The following PARVA variants were observed in gnomAD, a reference collection of about 807,000 sequenced individuals.
PARVA encodes parvin alpha.
Under a neutral mutation model 52.6 loss-of-function variants are expected in PARVA, and 25 were observed. The ratio of observed to expected loss-of-function variants is 0.48; its 90% CI spans 0.35 to 0.66. The LOEUF is 0.66. Among genes scored for constraint, PARVA ranks in the 30% least tolerant of loss-of-function variants. The probability of loss-of-function intolerance (pLI) is 0.01; values close to 1 mark genes in which losing one functional copy is unlikely to be tolerated. For missense variants in PARVA, 373 were observed against 450.9 expected (o/e 0.83, Z 1.56); for synonymous variants, 185 against 179.1 (o/e 1.03, Z -0.26).
chr11:12,409,032 G>A (rs1939954690), intron 1 of PARVA, among the ~76,000 whole-genome samples: 1 of 152,218 alleles, frequency 6.6e-6, no homozygotes. Flanking sequence ...GAGGGGGATG[G>A]TGCTAGATGT....
intron 1 of PARVA, among the ~76,000 whole-genome samples, chr11:12,400,974 T>C (rs1211900622): frequency 5.3e-5 from 8 of 152,158 alleles, no homozygotes; most frequent in African/African-American, 1.9e-4. Context: ...GTATTTCCCT[T>C]GAAGACTTTT....
chr11:12,497,880 A>G (rs1199373900), intron 5 of PARVA, among the ~76,000 whole-genome samples: 9 of 152,176 alleles, frequency 5.9e-5, no homozygotes, highest in African/African-American at 1.7e-4. Flanking sequence ...CCTCTAATGA[A>G]GACTGCTGTT....
chr11:12,478,073 T>C (rs752934355), intron 4 of PARVA, 124 bp downstream of exon 4: 2 of 751,614 alleles, frequency 2.7e-6, no homozygotes. Flanking sequence ...TACAAATGTG[T>C]GGAGCATGGA....
intron 1 of PARVA, among the ~76,000 whole-genome samples, chr11:12,458,318 G>A (rs1398373149): frequency 1.3e-5 from 2 of 152,230 alleles, no homozygotes; most frequent in Non-Finnish European, 2.9e-5. Flanking sequence ...ACCCTACTGA[G>A]AGTGAGCTGC....
intron 7 of PARVA, among the ~76,000 whole-genome samples, chr11:12,511,175 C>T (rs1941497779): frequency 6.6e-6 from 1 of 152,098 alleles, no homozygotes; most frequent in Admixed American, 6.5e-5. Flanking sequence ...ATCTTCAGCC[C>T]CTGAGTCCAA....
At chr11:12,460,284 A>T (rs1589965792) in intron 1 of PARVA, among the ~76,000 whole-genome samples, 1 of 152,164 alleles carries the variant, frequency 6.6e-6, no homozygotes, top group Non-Finnish European at 1.5e-5. Flanking sequence ...CTGGCTCAGG[A>T]TCAAACCTTG....
chr11:12,381,545 G>A (rs185447994), intron 1 of PARVA, among the ~76,000 whole-genome samples: 103 of 152,232 alleles, frequency 6.8e-4, no homozygotes, highest in South Asian at 1.2e-3. Context: ...GGGGGTTATG[G>A]ACATTGACCC....
intron 1 of PARVA, among the ~76,000 whole-genome samples, chr11:12,460,281 A>C (rs563638819): frequency 2.6e-5 from 4 of 152,334 alleles, no homozygotes; most frequent in African/African-American, 9.6e-5. Context: ...CAGCTGGCTC[A>C]GGATCAAACC....
chr11:12,437,364 C>G (rs1349925700), intron 1 of PARVA, among the ~76,000 whole-genome samples: 3 of 152,212 alleles, frequency 2.0e-5, no homozygotes, highest in Non-Finnish European at 4.4e-5. Flanking sequence ...CTTCTCTTCC[C>G]TACATCCTCC....
intron 1 of PARVA, among the ~76,000 whole-genome samples, chr11:12,450,866 G>T (rs1292969051): frequency 6.6e-6 from 1 of 152,232 alleles, no homozygotes; most frequent in East Asian, 1.9e-4. Flanking sequence ...TCTCCTACCT[G>T]CTTTATTCTA....
chr11:12,380,560 T>G (rs1347654508), intron 1 of PARVA, among the ~76,000 whole-genome samples: 2 of 150,818 alleles, frequency 1.3e-5, no homozygotes, highest in African/African-American at 4.9e-5. Context: ...GAGCAAGGGA[T>G]CTGCAATAGA....
At chr11:12,484,499 G>A (rs1438217793) in intron 4 of PARVA, among the ~76,000 whole-genome samples, 2 of 127,706 alleles carry the variant, frequency 1.6e-5, no homozygotes, top group Admixed American at 8.8e-5. Context: ...GGGTGGTTTT[G>A]TTTTGGTGTG....
Position 12,406,661 on chromosome 11 carries a change from G to GTTTTTTTTTTTTTTTTTTTTTT in PARVA, c.136+28884_136+28905dup, listed in dbSNP as rs571973101. Among the ~76,000 whole-genome samples, 36 of 77,790 alleles carry GTTTTTTTTTTTTTTTTTTTTTT rather than the reference G, an allele frequency of 4.6e-4. 3 individuals carry two copies. Among genetic ancestry groups the GTTTTTTTTTTTTTTTTTTTTTT allele is most frequent in the East Asian group, 1.1e-3 (3 of 2,694 alleles). The allele number at this position is 77,790 out of a possible 152,430, so 51.0% of individuals were successfully genotyped here. On this transcript the variant is annotated intron_variant, in intron 1 of 12. Coordinates refer to ENST00000334956, the MANE Select transcript of PARVA (RefSeq NM_018222.5). ...ATTGTTAGCTATTTAGGTTGTATCT[G>GTTTTTTTTTTTTTTTTTTTTTT]TTTTTTTTTTTTTTTTTTTTTTTTT... is the stretch of plus-strand genomic sequence containing the variant.
intron 1 of PARVA, among the ~76,000 whole-genome samples, chr11:12,409,688 T>G (rs1939965700): frequency 6.6e-6 from 1 of 152,224 alleles, no homozygotes; most frequent in Non-Finnish European, 1.5e-5. Context: ...GATTCTCCCC[T>G]AGAGCCCTCA....
At chr11:12,515,699 C>T (rs1481285449) in intron 10 of PARVA, among the ~76,000 whole-genome samples, 1 of 152,148 alleles carries the variant, frequency 6.6e-6, no homozygotes, top group Non-Finnish European at 1.5e-5. Context: ...TTGAATGAAG[C>T]CCAGTTGCTC....
chr11:12,447,923 A>AATG (rs1940569362), intron 1 of PARVA, among the ~76,000 whole-genome samples: 1 of 152,186 alleles, frequency 6.6e-6, no homozygotes, highest in Admixed American at 6.5e-5. Context: ...AGAAAATGTT[A>AATG]ATGATGATAT....
At chr11:12,441,917 G>A (rs1163262109) in intron 1 of PARVA, among the ~76,000 whole-genome samples, 7 of 152,224 alleles carry the variant, frequency 4.6e-5, no homozygotes, top group Non-Finnish European at 7.3e-5. Flanking sequence ...TAATAGTTGA[G>A]TGTCAAAAAA....
intron 4 of PARVA, chr11:12,479,243 G>A (rs1941053205): frequency 6.6e-6 from 1 of 151,914 alleles, no homozygotes; most frequent in Non-Finnish European, 1.5e-5. Flanking sequence ...TCATCCTTCT[G>A]ATCTCTAGAA....
At chr11:12,422,175 A>T (rs1940159898) in intron 1 of PARVA, among the ~76,000 whole-genome samples, 1 of 152,202 alleles carries the variant, frequency 6.6e-6, no homozygotes, top group Admixed American at 6.5e-5. Flanking sequence ...AGTTTTAAAT[A>T]ATGTCATAGA....
Sources: gnomAD v4.1 joint callset for allele counts (sites outside exome capture counted in the v4.1 genomes callset) on GRCh38, gnomAD v4.1.1 for gene constraint, MANE v1.5 for transcripts, NCBI Gene and HGNC (gene_info 2026-07-23, HGNC 2026-07-21) for gene names.